IL1RAP: variants seen among roughly 807,000 people sequenced by gnomAD.
The protein encoded by IL1RAP is interleukin 1 receptor accessory protein.
In IL1RAP, 35 loss-of-function variants were observed where a neutral mutation model predicts 60.7. The ratio of observed to expected loss-of-function variants is 0.58; its 90% CI spans 0.44 to 0.76. IL1RAP has a LOEUF of 0.76. Among genes scored for constraint, IL1RAP ranks in the 30% least tolerant of loss-of-function variants. The pLI is 0.00. For missense variants in IL1RAP, 572 were observed against 693.9 expected (o/e 0.82, Z 1.97); for synonymous variants, 268 against 250.9 (o/e 1.07, Z -0.64).
At chr3:190,612,997 A>G (rs1730954033) in intron 5 of IL1RAP, among the ~76,000 whole-genome samples, 2 of 151,606 alleles carry the variant, frequency 1.3e-5, no homozygotes, top group South Asian at 4.1e-4. Context: ...ATATGCCCAG[A>G]GCTGTGTAGT....
At chr3:190,625,891 G>A (rs547872148) in intron 7 of IL1RAP, among the ~76,000 whole-genome samples, 36 of 152,260 alleles carry the variant, frequency 2.4e-4, no homozygotes, top group African/African-American at 8.2e-4. Flanking sequence ...AAGGATTGTT[G>A]AATCCGTGTT....
downstream of IL1RAP, among the ~76,000 whole-genome samples, chr3:190,653,583 T>A (rs558475234): frequency 2.0e-3 from 310 of 152,164 alleles, no homozygotes; most frequent in African/African-American, 6.6e-3. Flanking sequence ...AAAATGACCA[T>A]CCTAGTTTTC....
intron 3 of IL1RAP, among the ~76,000 whole-genome samples, chr3:190,566,551 T>C (rs1472491309): frequency 6.6e-6 from 1 of 152,184 alleles, no homozygotes; most frequent in Non-Finnish European, 1.5e-5. Flanking sequence ...CTGTGACTCA[T>C]AATTCTGCCA....
rs183537508 is a variant in IL1RAP at position 190,621,811 on chromosome 3, T to C, written c.703+1371T>C. Among the ~76,000 whole-genome samples the C allele has an allele frequency of 7.8e-5, 11 of 141,856 alleles. 1 individual carries two copies. Among genetic ancestry groups the C allele is most frequent in the Non-Finnish European group, 1.5e-4 (10 of 66,594 alleles). 93.1% of individuals were successfully genotyped at this position (141,856 alleles called of 152,430 possible). A position where few individuals can be genotyped will look rare whatever the true frequency, so the allele number is the denominator to read the frequency against. On this transcript the variant is annotated intron_variant, in intron 6 of 11. Coordinates refer to ENST00000447382, the MANE Select transcript of IL1RAP (RefSeq NM_002182.4). ...AAAATTAGGAAAAACCAAGTAACTT[T>C]GCTTTTGCATTTTTATATGGTTAAT...
At chr3:190,612,801 T>A (rs542082338) in intron 5 of IL1RAP, among the ~76,000 whole-genome samples, 7 of 152,212 alleles carry the variant, frequency 4.6e-5, no homozygotes, top group Non-Finnish European at 8.8e-5. Context: ...CGTCATAAGT[T>A]GGGGACCGTC....
At chr3:190,594,553 A>G (rs750755834) in intron 3 of IL1RAP, among the ~76,000 whole-genome samples, 12 of 152,224 alleles carry the variant, frequency 7.9e-5, no homozygotes, top group Non-Finnish European at 1.6e-4. Flanking sequence ...GATCTACCAT[A>G]TGACAAATTT....
Position 190,604,236 on chromosome 3 carries a change from AC to A in IL1RAP, c.174del (p.Tyr58Ter). 1 of 1,614,044 alleles carries A rather than the reference AC, an allele frequency of 6.2e-7. No homozygotes were observed. Among genetic ancestry groups the A allele is most frequent in the Non-Finnish European group, 8.5e-7 (1 of 1,179,994 alleles). On this transcript the variant is annotated frameshift_variant, in exon 4 of 12. Coordinates refer to ENST00000447382, the MANE Select transcript of IL1RAP (RefSeq NM_002182.4). LOFTEE classifies it high-confidence loss of function. Reference protein sequence around the residue: ...PLFEHFLKFNYSTAHSAGLTL... With the variant: ...PLFEHFLKFNXSTAHSAGLTL... Reference sequence around the variant, plus strand: ...TTTGAACACTTCTTGAAATTCAACTACAGCACAGCCCATTCAGCTGGCCTTA... The same window carrying A: ...TTTGAACACTTCTTGAAATTCAACTAAGCACAGCCCATTCAGCTGGCCTTA...
chr3:190,584,093 C>T (rs1160338819), intron 3 of IL1RAP, among the ~76,000 whole-genome samples: 1 of 152,148 alleles, frequency 6.6e-6, no homozygotes. Context: ...GTTTTCTGCT[C>T]CTATAATTCT....
intron 3 of IL1RAP, among the ~76,000 whole-genome samples, chr3:190,575,839 C>A (rs1727396065): frequency 6.6e-6 from 1 of 152,222 alleles, no homozygotes; most frequent in Non-Finnish European, 1.5e-5. Context: ...CCTCTAAACA[C>A]CCCTTTTGCT....
At chr3:190,535,112 C>T (rs1723332422) in intron 1 of IL1RAP, among the ~76,000 whole-genome samples, 1 of 152,046 alleles carries the variant, frequency 6.6e-6, no homozygotes, top group South Asian at 2.1e-4. Flanking sequence ...TAAGAGCTGA[C>T]TAGAAACATG....
At chr3:190,596,646 C>T (rs1230242982) in intron 3 of IL1RAP, among the ~76,000 whole-genome samples, 1 of 152,160 alleles carries the variant, frequency 6.6e-6, no homozygotes, top group Non-Finnish European at 1.5e-5. Context: ...TTGTGGTTCT[C>T]CCATGTTGAG....
At chr3:190,608,197 T>A (rs1730512858) in intron 4 of IL1RAP, among the ~76,000 whole-genome samples, 1 of 152,196 alleles carries the variant, frequency 6.6e-6, no homozygotes, top group Non-Finnish European at 1.5e-5. Flanking sequence ...TGTATGACCA[T>A]CATAGAGTAT....
At chr3:190,561,608 G>A (rs1202477520) in intron 2 of IL1RAP, among the ~76,000 whole-genome samples, 4 of 152,144 alleles carry the variant, frequency 2.6e-5, no homozygotes, top group Non-Finnish European at 4.4e-5. Flanking sequence ...AAAATCTAGA[G>A]GTATGTGGGG....
intron 1 of IL1RAP, among the ~76,000 whole-genome samples, chr3:190,542,785 C>G (rs1414588707): frequency 1.3e-5 from 2 of 151,832 alleles, no homozygotes; most frequent in African/African-American, 4.8e-5. Flanking sequence ...ATAGAAAACT[C>G]TTCCTTTCTA....
At chr3:190,616,752 C>T (rs1407412960) in intron 5 of IL1RAP, among the ~76,000 whole-genome samples, 1 of 152,180 alleles carries the variant, frequency 6.6e-6, no homozygotes, top group Non-Finnish European at 1.5e-5. Flanking sequence ...CACTTATACA[C>T]TCGATGAGCC....
intron 1 of IL1RAP, among the ~76,000 whole-genome samples, chr3:190,525,079 G>A (rs1722396961): frequency 6.6e-6 from 1 of 152,048 alleles, no homozygotes; most frequent in African/African-American, 2.4e-5. Context: ...AGCTACCTGA[G>A]GAAACAGAGG....
chr3:190,575,427 CTATAGT>C (rs1339390325), intron 3 of IL1RAP, among the ~76,000 whole-genome samples: 1 of 152,146 alleles, frequency 6.6e-6, no homozygotes, highest in Non-Finnish European at 1.5e-5. Flanking sequence ...AAGAAGTTCT[CTATAGT>C]TATAAATAAG....
intron 1 of IL1RAP, 89 bp from the exon 2 acceptor site, chr3:190,556,040 AC>A (rs1661149651): frequency 6.6e-6 from 1 of 152,130 alleles, no homozygotes; most frequent in Admixed American, 6.5e-5. Flanking sequence ...GCTTTAACCA[AC>A]GAAAAAGTTT....
chr3:190,648,784 T>G lies in IL1RAP; in HGVS notation c.*79T>G, dbSNP rs1005008819. 9.3e-6 allele frequency: 14 copies of G among 1,504,330 alleles called. No homozygotes were observed. In the African/African-American group the frequency reaches 1.8e-4, roughly 20 times the overall value. 93.2% of individuals were successfully genotyped at this position (1,504,330 alleles called of 1,614,324 possible). A position where few individuals can be genotyped will look rare whatever the true frequency, so the allele number is the denominator to read the frequency against. On this transcript the variant is annotated 3_prime_UTR_variant, in exon 12 of 12. Transcript: ENST00000447382. ...CCCCCCAGTCTTCATTCGCAGTTTATGGTTTCATAGGCAAAAATAATGGTC... is the reference window on the plus strand; with the variant it reads ...CCCCCCAGTCTTCATTCGCAGTTTAGGGTTTCATAGGCAAAAATAATGGTC...
Sources: allele counts gnomAD v4.1 joint callset (sites outside exome capture counted in the v4.1 genomes callset), GRCh38; gene constraint gnomAD v4.1.1; transcripts MANE v1.5; gene names NCBI Gene and HGNC (gene_info 2026-07-23, HGNC 2026-07-21).